CDH23: variants seen among roughly 807,000 people sequenced by gnomAD.
CDH23 encodes the protein cadherin-23.
A neutral mutation model predicts 317.1 loss-of-function variants in CDH23; 189 were observed. The ratio of observed to expected loss-of-function variants is 0.60; its 90% confidence interval spans 0.53 to 0.67. The LOEUF is 0.67. Ranked by LOEUF, CDH23 falls within the 30% of genes least tolerant of loss-of-function variation. The pLI is 0.00. For missense variants in CDH23, 4,401 were observed against 4,592.4 expected (o/e 0.96, Z 1.20); for synonymous variants, 1,839 against 1,876.8 (o/e 0.98, Z 0.52).
Position 71,809,810 on chromosome 10 carries a change from C to A in CDH23, c.8723-10C>A. On this transcript the variant is annotated splice_polypyrimidine_tract_variant and intron_variant, in intron 60 of 69. Coordinates refer to ENST00000224721, the MANE Select transcript of CDH23 (RefSeq NM_022124.6). ...CTCTGAGCCGTACCCCGCCTTTGGG[C>A]TTCCTGCAGGGAGCATGGACGGCAT... The A allele has an allele frequency of 6.2e-7, 1 of 1,608,290 alleles. No individual in the cohort carries two copies. The highest frequency in any genetic ancestry group is 8.5e-7 in the Non-Finnish European group (1 of 1,176,440).
chr10:71,446,724 A>AT (rs1850188483), intron 3 of CDH23, among the ~76,000 whole-genome samples: 3 of 151,978 alleles, frequency 2.0e-5, no homozygotes, highest in Admixed American at 2.0e-4. Flanking sequence ...GCCTTTTGTA[A>AT]TTTTCTGTGA....
At chr10:71,787,419 C>T (rs1326549777) in intron 44 of CDH23, among the ~76,000 whole-genome samples, 1 of 151,238 alleles carries the variant, frequency 6.6e-6, no homozygotes, top group Non-Finnish European at 1.5e-5. Context: ...TTAGTGTACC[C>T]ATCAGGTGTA....
At position 71,660,000 on chromosome 10, in the gene CDH23, T is replaced by C. The variant is rs1344429845; in HGVS notation, c.1449+13383T>C. Among the ~76,000 whole-genome samples the C allele has an allele frequency of 4.1e-5, 6 of 147,962 alleles. No individual in the cohort carries two copies. The Admixed American group carries it at 4.1e-4, about 10-fold the overall frequency. On this transcript the variant is annotated intron_variant, in intron 14 of 69. Coordinates refer to ENST00000224721, the MANE Select transcript of CDH23 (RefSeq NM_022124.6). ...TTTTTTAGACGGAGCCTCGCTCCCT[T>C]GCCAGGCTGGAGTACCATAGTGCGA...
At chr10:71,735,093 A>C (rs991706366) in intron 34 of CDH23, among the ~76,000 whole-genome samples, 8 of 152,232 alleles carry the variant, frequency 5.3e-5, no homozygotes. Flanking sequence ...GCAGGCAGAA[A>C]GCCCTTTGTA....
chr10:71,722,419 G>T (rs1043148317), intron 28 of CDH23, among the ~76,000 whole-genome samples: 2 of 152,220 alleles, frequency 1.3e-5, no homozygotes, highest in South Asian at 2.1e-4. Flanking sequence ...ATGCAAACCA[G>T]GGCTGAATGT....
intron 3 of CDH23, among the ~76,000 whole-genome samples, chr10:71,476,472 G>A (rs939878983): frequency 1.3e-5 from 2 of 152,200 alleles, no homozygotes; most frequent in Non-Finnish European, 2.9e-5. Context: ...GGGGCAAGAT[G>A]TGTCCCCAGC....
At chr10:71,774,236 ACCCG>A (rs1436672385) in intron 38 of CDH23, among the ~76,000 whole-genome samples, 1 of 117,852 alleles carries the variant, frequency 8.5e-6, no homozygotes, top group Non-Finnish European at 1.7e-5. Context: ...CTGGCTGTGC[ACCCG>A]CCCTCCCTCC....
At chr10:71,433,129 T>C (rs1849472259) in intron 1 of CDH23, among the ~76,000 whole-genome samples, 1 of 152,096 alleles carries the variant, frequency 6.6e-6, no homozygotes, top group South Asian at 2.1e-4. Flanking sequence ...CAATAAAACT[T>C]CCCATAACCT....
chr10:71,438,546 G>A (rs533387616), intron 1 of CDH23, among the ~76,000 whole-genome samples: 1 of 152,226 alleles, frequency 6.6e-6, no homozygotes, highest in South Asian at 2.1e-4. Context: ...CTGAGGACAT[G>A]GGCTGAGAGG....
In CDH23 at chr10:71,673,332, C is replaced by T. The variant is rs78763372; in HGVS notation, c.1450-1780C>T. 8.0e-3 allele frequency among the ~76,000 whole-genome samples: 1,221 copies of T among 152,300 alleles called. 15 individuals carry two copies. Among genetic ancestry groups the T allele is most frequent in the African/African-American group, 0.028 (1,165 of 41,536 alleles). On this transcript the variant is annotated intron_variant, in intron 14 of 69. Transcript: ENST00000224721. ...ACTGAGGCCTCCACACCACAGTGACCCCTCGCCAAGGGGTTCAATGACATG... is the reference window on the plus strand; with the variant it reads ...ACTGAGGCCTCCACACCACAGTGACTCCTCGCCAAGGGGTTCAATGACATG...
At chr10:71,720,760 G>T (rs1392736370) in intron 28 of CDH23, among the ~76,000 whole-genome samples, 3 of 152,202 alleles carry the variant, frequency 2.0e-5, no homozygotes, top group Non-Finnish European at 4.4e-5. Flanking sequence ...GTCCTCAGGG[G>T]TCATCTAACT....
chr10:71,806,051 G>C, intron 56 of CDH23, 54 bp downstream of exon 56: 1 of 1,541,256 alleles, frequency 6.5e-7, no homozygotes, highest in Non-Finnish European at 8.7e-7. Flanking sequence ...CTTTCTTCTG[G>C]GGGCGGGTCT....
chr10:71,503,928 G>C (rs1224786544), intron 3 of CDH23, among the ~76,000 whole-genome samples: 3 of 152,178 alleles, frequency 2.0e-5, no homozygotes, highest in Admixed American at 1.3e-4. Context: ...CAGAAAGAAG[G>C]CATGTGGGGC....
intron 38 of CDH23, chr10:71,760,737 A>G: frequency 1.2e-6 from 1 of 800,118 alleles, no homozygotes; most frequent in Admixed American, 1.9e-5. Context: ...GTGCAGCAGC[A>G]GAAAAGGAGG....
rs1841916074 is a variant in CDH23, at chr10:71,811,330, C to T, written c.9093C>T (p.Ile3031=). ...ILDVDRVIQM[I]DENKEQLRNL... Reference sequence around the variant, plus strand: ...CCTCGCCCAGGGTGATCCAGATGATCGATGAGAACAAGGAGCAGCTACGGA... The same window carrying T: ...CCTCGCCCAGGGTGATCCAGATGATTGATGAGAACAAGGAGCAGCTACGGA... Residue 3031 remains isoleucine, a synonymous_variant, in exon 63 of 70, where the codon ATC becomes ATT. Coordinates refer to ENST00000224721, the MANE Select transcript of CDH23 (RefSeq NM_022124.6). 1.2e-6 allele frequency: 2 copies of T among 1,613,664 alleles called. No individual in the cohort carries two copies. Among genetic ancestry groups the T allele is most frequent in the African/African-American group, 2.7e-5 (2 of 74,850 alleles).
chr10:71,603,509 G>T (rs1589253945), intron 9 of CDH23, among the ~76,000 whole-genome samples: 1 of 152,302 alleles, frequency 6.6e-6, no homozygotes, highest in East Asian at 1.9e-4. Flanking sequence ...GGGCACCTTG[G>T]CTCCCACTCT....
At chr10:71,660,147 G>T (rs187882142) in intron 14 of CDH23, among the ~76,000 whole-genome samples, 136 of 152,040 alleles carry the variant, frequency 8.9e-4, no homozygotes, top group Non-Finnish European at 1.7e-3. Flanking sequence ...TTTTAGTAGA[G>T]ATGGGGTTTC....
chr10:71,802,802 G>A (rs1841592734), intron 53 of CDH23, 96 bp from the exon 54 acceptor site: 1 of 1,337,412 alleles, frequency 7.5e-7, no homozygotes, highest in African/African-American at 1.4e-5. Flanking sequence ...GCTGGTGCCT[G>A]TCCTTCCTCT....
chr10:71,798,998 T>G (rs1841483485), intron 50 of CDH23, 113 bp from the exon 51 acceptor site: 1 of 1,014,400 alleles, frequency 9.9e-7, no homozygotes, highest in African/African-American at 1.6e-5. Context: ...CTGACCACCC[T>G]CCTTCAAGTG....
Sources: allele counts gnomAD v4.1 joint callset (sites outside exome capture counted in the v4.1 genomes callset), GRCh38; gene constraint gnomAD v4.1.1; transcripts MANE v1.5; gene names NCBI Gene and HGNC (gene_info 2026-07-23, HGNC 2026-07-21).